Variants in CTNNA3 observed in about 807,000 individuals in gnomAD.
The protein encoded by CTNNA3 is catenin alpha 3.
CTNNA3 carries 76 observed loss-of-function variants against 95.7 expected under a neutral mutation model. The ratio of observed to expected loss-of-function variants is 0.79; its 90% CI spans 0.66 to 0.96. The LOEUF is 0.96. Ranked by LOEUF, CTNNA3 falls within the 40% of genes least tolerant of loss-of-function variation. CTNNA3 has a pLI of 0.00. For synonymous variants in CTNNA3, 431 were observed against 374.4 expected (o/e 1.15, Z -1.74); for missense variants, 1,191 against 1,089.8 (o/e 1.09, Z -1.31).
rs192059397 is a variant in CTNNA3, at chr10:67,374,441, T to C, written c.579+147401A>G. On this transcript the variant is annotated intron_variant, in intron 5 of 17. Transcript: ENST00000433211. ...AAAAATTGGATAACGAATGAACGAA[T>C]AAATAAATAAATAAATATTAACCAA... is the stretch of plus-strand genomic sequence containing the variant. Among the ~76,000 whole-genome samples the C allele has an allele frequency of 5.7e-4, 86 of 152,082 alleles. 1 individual carries two copies. The highest frequency in any genetic ancestry group is 3.1e-3 in the Admixed American group (48 of 15,284).
chr10:66,457,325 T>C (rs1205736086), intron 11 of CTNNA3, among the ~76,000 whole-genome samples: 2 of 151,964 alleles, frequency 1.3e-5, no homozygotes, highest in East Asian at 1.9e-4. Flanking sequence ...AGAACTTGTA[T>C]CCAGAATATA....
intron 3 of CTNNA3, among the ~76,000 whole-genome samples, chr10:67,554,721 G>C (rs1199086855): frequency 6.6e-6 from 1 of 152,104 alleles, no homozygotes; most frequent in Non-Finnish European, 1.5e-5. Context: ...TCACTCTGAT[G>C]GTAGTTTCTT....
chr10:66,431,561 C>T (rs1207449824), intron 11 of CTNNA3, among the ~76,000 whole-genome samples: 1 of 151,988 alleles, frequency 6.6e-6, no homozygotes, highest in Non-Finnish European at 1.5e-5. Context: ...GAATACTATG[C>T]AGCCATAAAA....
intron 1 of CTNNA3, among the ~76,000 whole-genome samples, chr10:67,667,970 C>G (rs1308073142): frequency 6.6e-6 from 1 of 152,036 alleles, no homozygotes; most frequent in Non-Finnish European, 1.5e-5. Flanking sequence ...TCCTTTTTGC[C>G]AATCATCCAC....
At chr10:66,734,231 TTC>T (rs763710995) in intron 9 of CTNNA3, among the ~76,000 whole-genome samples, 1 of 152,046 alleles carries the variant, frequency 6.6e-6, no homozygotes, top group Admixed American at 6.6e-5. Flanking sequence ...GTTAATTTTC[TTC>T]TCTCTCTTTT....
chr10:66,072,010 G>A (rs2080446609), intron 14 of CTNNA3, among the ~76,000 whole-genome samples: 1 of 152,158 alleles, frequency 6.6e-6, no homozygotes, highest in South Asian at 2.1e-4. Context: ...AGTGATATAT[G>A]CTTTGCAGCT....
At chr10:66,493,381 A>G (rs1343008897) in intron 11 of CTNNA3, among the ~76,000 whole-genome samples, 1 of 152,172 alleles carries the variant, frequency 6.6e-6, no homozygotes, top group East Asian at 1.9e-4. Context: ...GGAGCTTTTA[A>G]TAGCTTTCTA....
intron 13 of CTNNA3, among the ~76,000 whole-genome samples, chr10:66,135,433 A>T (rs2083298334): frequency 1.3e-5 from 2 of 152,234 alleles, no homozygotes; most frequent in South Asian, 4.1e-4. Flanking sequence ...TAATGATTTC[A>T]GTAGTGTTAA....
intron 11 of CTNNA3, among the ~76,000 whole-genome samples, chr10:66,441,186 T>C (rs1424259147): frequency 6.6e-6 from 1 of 151,080 alleles, no homozygotes; most frequent in Admixed American, 6.7e-5. Flanking sequence ...TTTAATCATT[T>C]TAAAATAATT....
At chr10:66,748,973 G>C (rs1488872035) in intron 9 of CTNNA3, among the ~76,000 whole-genome samples, 2 of 150,040 alleles carry the variant, frequency 1.3e-5, no homozygotes, top group Non-Finnish European at 3.0e-5. Context: ...AGGAGTTCAA[G>C]ACTACCTGGC....
chr10:66,198,912 T>A (rs1446335291), intron 13 of CTNNA3, among the ~76,000 whole-genome samples: 1 of 152,212 alleles, frequency 6.6e-6, no homozygotes, highest in East Asian at 1.9e-4. Flanking sequence ...TGAAGAAATA[T>A]GTTTTCATTC....
chr10:66,401,288 A>AG (rs1475284052), intron 11 of CTNNA3, among the ~76,000 whole-genome samples: 13 of 152,052 alleles, frequency 8.5e-5, no homozygotes, highest in African/African-American at 2.7e-4. Flanking sequence ...GCACGCTGGG[A>AG]GGCTGAGGCA....
chr10:67,321,951 A>G (rs1010327767), intron 5 of CTNNA3, among the ~76,000 whole-genome samples: 3 of 151,962 alleles, frequency 2.0e-5, no homozygotes, highest in Non-Finnish European at 4.4e-5. Context: ...ACCTCCCTCC[A>G]TACACACCCC....
intron 13 of CTNNA3, among the ~76,000 whole-genome samples, chr10:66,166,775 T>A (rs1038988416): frequency 3.9e-5 from 6 of 152,008 alleles, no homozygotes; most frequent in Admixed American, 6.6e-5. Context: ...TAGGATTAAA[T>A]TGAAGGGGTG....
rs1027395251 is a variant in CTNNA3, at chr10:67,713,103, C to T, written c.-2+50331G>A. ...AATTTACAAGAAAAAAACAAACAAC[C>T]CCATCAAAAAGTGGATGAAGGATAT... On this transcript the variant is annotated intron_variant, in intron 1 of 17. Coordinates refer to the CTNNA3 transcript ENST00000684154. 6.6e-5 allele frequency among the ~76,000 whole-genome samples: 10 copies of T among 152,100 alleles called. 1 individual carries two copies. The East Asian group carries it at 1.9e-3, about 29-fold the overall frequency.
At chr10:67,122,097 T>A (rs563332271) in intron 7 of CTNNA3, among the ~76,000 whole-genome samples, 6 of 150,306 alleles carry the variant, frequency 4.0e-5, no homozygotes, top group Non-Finnish European at 8.9e-5. Context: ...GGGATGAGGA[T>A]GAGTTCTAGA....
chr10:67,597,225 T>A (rs1842958365), intron 3 of CTNNA3, among the ~76,000 whole-genome samples: 1 of 152,222 alleles, frequency 6.6e-6, no homozygotes, highest in African/African-American at 2.4e-5. Context: ...ATCTTGATAA[T>A]CTTTCTTGCC....
intron 7 of CTNNA3, among the ~76,000 whole-genome samples, chr10:66,851,635 C>CAG (rs1843499538): frequency 3.8e-5 from 1 of 26,574 alleles, no homozygotes; most frequent in African/African-American, 2.0e-4. Flanking sequence ...CTCTCACATA[C>CAG]ACACACACAC....
chr10:65,968,964 G>T (rs73306057), intron 16 of CTNNA3, among the ~76,000 whole-genome samples: 4,991 of 152,282 alleles, frequency 0.033, 99 homozygotes, highest in Middle Eastern at 0.092. Context: ...CACCTCTAGG[G>T]CTGAGGAGGG....
Sources: gnomAD v4.1 joint callset for allele counts (sites outside exome capture counted in the v4.1 genomes callset) on GRCh38, gnomAD v4.1.1 for gene constraint, MANE v1.5 for transcripts, NCBI Gene and HGNC (gene_info 2026-07-23, HGNC 2026-07-21) for gene names.